Variants in NDUFA9 observed in about 807,000 individuals in gnomAD.
NDUFA9 encodes the protein NADH dehydrogenase [ubiquinone] 1 alpha subcomplex subunit 9, mitochondrial.
A neutral mutation model predicts 45.9 loss-of-function variants in NDUFA9; 23 were observed. That is an observed-to-expected ratio of 0.50 (90% CI 0.36 to 0.71). The LOEUF (loss-of-function observed/expected upper bound fraction) is 0.71, where lower values mean the gene tolerates loss of function less well. Ranked by LOEUF, NDUFA9 falls within the 30% of genes least tolerant of loss-of-function variation. The probability of loss-of-function intolerance (pLI) is 0.00; values close to 1 mark genes in which losing one functional copy is unlikely to be tolerated. For missense variants in NDUFA9, 466 were observed against 488.2 expected (o/e 0.95, Z 0.43); for synonymous variants, 176 against 170.5 (o/e 1.03, Z -0.25).
intron 10 of NDUFA9, among the ~76,000 whole-genome samples, chr12:4,686,421 CTTG>C (rs1418754315): frequency 1.4e-5 from 2 of 139,988 alleles, no homozygotes; most frequent in African/African-American, 2.6e-5. Context: ...AAAAAAGTTA[CTTG>C]TTTTTTTTTT....
intron 10 of NDUFA9, among the ~76,000 whole-genome samples, 168 bp downstream of exon 10, chr12:4,685,493 G>T (rs548310490): frequency 3.3e-5 from 5 of 152,056 alleles, no homozygotes; most frequent in African/African-American, 1.2e-4. Context: ...TGCTCCAGGG[G>T]GCGGCTCCTC....
chr12:4,688,052 G>C lies in NDUFA9; in HGVS notation c.*944G>C, dbSNP rs905255119. On this transcript the variant is annotated 3_prime_UTR_variant, in exon 11 of 11. Transcript: ENST00000266544. ...TCCTTACAGAGAGAAAGGTATATCAGTGTTGAAGGTAAGTTCTCCACCTGC... is the reference window on the plus strand; with the variant it reads ...TCCTTACAGAGAGAAAGGTATATCACTGTTGAAGGTAAGTTCTCCACCTGC... 4.6e-5 allele frequency: 7 copies of C among 152,370 alleles called. No homozygotes were observed. The highest frequency in any genetic ancestry group is 1.7e-4 in the African/African-American group (7 of 41,582). The allele number at this position is 152,370 out of a possible 1,614,324, so 9.4% of individuals were successfully genotyped here.
chr12:4,663,264 G>GC (rs941476920), intron 6 of NDUFA9, among the ~76,000 whole-genome samples: 1 of 151,746 alleles, frequency 6.6e-6, no homozygotes, highest in African/African-American at 2.4e-5. Flanking sequence ...TCCCCCTGTT[G>GC]CTTGTGTCCA....
In NDUFA9 at chr12:4,649,118, T is replaced by C; in HGVS notation, c.-9T>C. ...CCGGGAGTGCTGTCGTGGGGGATTGTGGGAAAAGATGGCGGCTGCCGCACA... is the reference window on the plus strand; with the variant it reads ...CCGGGAGTGCTGTCGTGGGGGATTGCGGGAAAAGATGGCGGCTGCCGCACA... On this transcript the variant is annotated 5_prime_UTR_variant, in exon 1 of 11. Transcript: ENST00000266544. 6.2e-7 allele frequency: 1 copy of C among 1,602,942 alleles called. No individual in the cohort carries two copies. Among genetic ancestry groups the C allele is most frequent in the East Asian group, 2.2e-5 (1 of 44,542 alleles).
chr12:4,658,901 T>C, intron 4 of NDUFA9, 135 bp from the exon 5 acceptor site: 1 of 964,124 alleles, frequency 1.0e-6, no homozygotes, highest in Middle Eastern at 3.5e-4. Context: ...AATTTAGCTT[T>C]AAGTTAAATC....
chr12:4,659,417 A>G (rs942702893), intron 5 of NDUFA9, among the ~76,000 whole-genome samples: 1 of 152,232 alleles, frequency 6.6e-6, no homozygotes, highest in African/African-American at 2.4e-5. Context: ...TACTGTTGGC[A>G]TTCAGATACT....
Position 4,692,466 on chromosome 12 carries a change from T to G in NDUFA9, c.*5358T>G, listed in dbSNP as rs10849120. 30,737 of 152,202 alleles carry G rather than the reference T, an allele frequency of 0.2. 3,539 individuals are homozygous for G. The highest frequency in any genetic ancestry group is 0.45 in the South Asian group (2,193 of 4,838). The allele number at this position is 152,202 out of a possible 1,614,324, so 9.4% of individuals were successfully genotyped here. The stretch of plus-strand genomic sequence containing the variant: ...CCTATGTGACGCTTCCTGTACAGCC[T>G]GCAGAACCATGAGCCAATTAAACCT... On this transcript the variant is annotated 3_prime_UTR_variant, in exon 11 of 11. Coordinates refer to ENST00000266544, the MANE Select transcript of NDUFA9 (RefSeq NM_005002.5).
rs757972669 is a variant in NDUFA9, at chr12:4,657,778, C to T, written c.349C>T (p.Arg117Ter). The T allele has an allele frequency of 3.1e-6, 5 of 1,613,396 alleles. No homozygotes were observed. The highest frequency in any genetic ancestry group is 3.3e-4 in the Middle Eastern group (2 of 6,082). The change falls in exon 4 of 11, where the codon CGA becomes TGA. Residue 117 changes from arginine (R) to a stop codon, truncating the protein, a stop_gained. Transcript: ENST00000266544. LOFTEE classifies it high-confidence loss of function. ...GGACGCGAGAGATAAAGATTCTATC[C>T]GACGAGTAGTACAACACAGCAATGT... The part of the protein sequence containing the change: ...EWDARDKDSI[R>*]RVVQHSNVVI...
At position 4,687,703 on chromosome 12, in the gene NDUFA9, G is replaced by A. The variant is rs954941608; in HGVS notation, c.*595G>A. 6.6e-6 allele frequency: 1 copy of A among 152,208 alleles called. No individual in the cohort carries two copies. The highest frequency in any genetic ancestry group is 1.5e-5 in the Non-Finnish European group (1 of 68,054). 9.4% of individuals were successfully genotyped at this position (152,208 alleles called of 1,614,324 possible). On this transcript the variant is annotated 3_prime_UTR_variant, in exon 11 of 11. Transcript: ENST00000266544. ...TTAGTACCACATCTGGATTATTTCA[G>A]ACACATAGGTGGAGATAGATTCTCT...
At chr12:4,654,197 A>C in intron 1 of NDUFA9, 95 bp from the exon 2 acceptor site, 3 of 1,225,720 alleles carry the variant, frequency 2.4e-6, no homozygotes, top group Non-Finnish European at 2.3e-6. Flanking sequence ...TTGCAAAATA[A>C]TGTTACAAGT....
At chr12:4,653,288 G>A (rs144475486) in intron 1 of NDUFA9, among the ~76,000 whole-genome samples, 1,723 of 152,248 alleles carry the variant, frequency 0.011, 89 homozygotes, top group Admixed American at 0.09. Flanking sequence ...TGTAGAAGAG[G>A]GATTAGACTT....
chr12:4,655,322 C>G (rs1945783528), intron 3 of NDUFA9: 1 of 182,124 alleles, frequency 5.5e-6, no homozygotes, highest in African/African-American at 2.4e-5. Flanking sequence ...TTTATCAATC[C>G]CTGCTCTAGA....
intron 6 of NDUFA9, 80 bp from the exon 7 acceptor site, chr12:4,668,377 A>G: frequency 8.7e-7 from 1 of 1,148,706 alleles, no homozygotes. Flanking sequence ...TATGCACAAT[A>G]ATTATGTTAA....
At chr12:4,668,968 A>C (rs1945869961) in intron 7 of NDUFA9, among the ~76,000 whole-genome samples, 1 of 152,236 alleles carries the variant, frequency 6.6e-6, no homozygotes, top group African/African-American at 2.4e-5. Flanking sequence ...AACCTTAAAG[A>C]TGACTAAAGG....
At chr12:4,663,587 A>G (rs893357032) in intron 6 of NDUFA9, among the ~76,000 whole-genome samples, 2 of 152,236 alleles carry the variant, frequency 1.3e-5, no homozygotes, top group Admixed American at 6.5e-5. Flanking sequence ...TCTGCTGTCT[A>G]CAAGCCAGGA....
chr12:4,667,133 G>T (rs1274172883), intron 6 of NDUFA9, among the ~76,000 whole-genome samples: 1 of 152,224 alleles, frequency 6.6e-6, no homozygotes, highest in Non-Finnish European at 1.5e-5. Flanking sequence ...GTGGAAGGTG[G>T]AAGGGTGAAA....
chr12:4,685,286 C>T lies in NDUFA9; in HGVS notation c.924C>T (p.Ser308=), dbSNP rs759017039. 9 of 1,613,890 alleles carry T rather than the reference C, an allele frequency of 5.6e-6. No homozygotes were observed. In the South Asian group the frequency reaches 9.9e-5, roughly 18 times the overall value. Residue 308 remains serine, a synonymous_variant, in exon 10 of 11, where the codon AGC becomes AGT. Coordinates refer to ENST00000266544, the MANE Select transcript of NDUFA9 (RefSeq NM_005002.5). ...YRWVARVFEI[S]PFEPWITRDK... is the part of the protein sequence containing the mutation. ...GGGTAGCAAGAGTCTTTGAAATAAGCCCATTTGAGCCCTGGATAACAAGGG... is the reference window on the plus strand; with the variant it reads ...GGGTAGCAAGAGTCTTTGAAATAAGTCCATTTGAGCCCTGGATAACAAGGG...
At chr12:4,669,858 A>T in intron 8 of NDUFA9, 41 bp downstream of exon 8, 2 of 1,402,790 alleles carry the variant, frequency 1.4e-6, no homozygotes, top group Non-Finnish European at 2.0e-6. Flanking sequence ...TGCTATTATA[A>T]TGAAGGAATC....
rs757627904 is a variant in NDUFA9 at position 4,659,028 on chromosome 12, T to A, written c.411-8T>A. 6.2e-7 allele frequency: 1 copy of A among 1,609,976 alleles called. No individual in the cohort carries two copies. The highest frequency in any genetic ancestry group is 8.5e-7 in the Non-Finnish European group (1 of 1,177,906). ...TCTTAACCAATCCTTTTATTTTTTA[T>A]CTTCCAGAAACTTTGATTTTGAGGA... is the stretch of plus-strand genomic sequence containing the variant. On this transcript the variant is annotated splice_polypyrimidine_tract_variant and splice_region_variant and intron_variant, in intron 4 of 10. Coordinates refer to ENST00000266544, the MANE Select transcript of NDUFA9 (RefSeq NM_005002.5).
Sources: allele counts gnomAD v4.1 joint callset (sites outside exome capture counted in the v4.1 genomes callset), GRCh38; gene constraint gnomAD v4.1.1; transcripts MANE v1.5; gene names NCBI Gene and HGNC (gene_info 2026-07-23, HGNC 2026-07-21).